Variants in ANK2 observed in about 807,000 individuals in gnomAD.
ANK2 encodes ankyrin 2.
A neutral mutation model predicts 360.5 loss-of-function variants in ANK2; 83 were observed. The observed-to-expected ratio is 0.23, with a 90% confidence interval of 0.19 to 0.28. ANK2 has a LOEUF of 0.28. ANK2 is among the 10% of genes least tolerant of loss of function. The pLI, the probability that ANK2 is intolerant of heterozygous loss-of-function variation, is 1.00. For missense variants in ANK2, 4,201 were observed against 4,795.7 expected, an observed-to-expected ratio of 0.88 and a Z score of 3.66; for synonymous variants, 1,740 against 1,759.5, an observed-to-expected ratio of 0.99 and a Z score of 0.28.
chr4:113,105,725 G>T (rs937997319), intron 1 of ANK2, among the ~76,000 whole-genome samples: 1 of 152,144 alleles, frequency 6.6e-6, no homozygotes, highest in Non-Finnish European at 1.5e-5. Flanking sequence ...AAGCTGAATA[G>T]TCTATGGTAA....
At chr4:112,809,313 G>A in the ANK2 span, among the ~76,000 whole-genome samples, 1 of 150,918 alleles carries the variant, frequency 6.6e-6, no homozygotes, top group Non-Finnish European at 1.5e-5. Context: ...TGTAATCCCA[G>A]CACTTTGGGA....
chr4:113,147,420 T>A (rs28627915), intron 1 of ANK2, among the ~76,000 whole-genome samples: 1 of 152,182 alleles, frequency 6.6e-6, no homozygotes, highest in Non-Finnish European at 1.5e-5. Context: ...AGTGTATTTT[T>A]AAAAATGTAC....
At position 112,819,976 on chromosome 4, in the gene ANK2, C is replaced by T. The variant is rs985190882; in HGVS notation, c.-40+1712C>T. Among the ~76,000 whole-genome samples the T allele has an allele frequency of 2.6e-4, 39 of 152,204 alleles. 1 individual carries two copies. Among genetic ancestry groups the T allele is most frequent in the Admixed American group, 2.4e-3 (37 of 15,270 alleles). ...CTCTCTGAAGGGGAGTGTGATAAAA[C>T]GATGCTCATCCTTGGGCACATGGAT... On this transcript the variant is annotated intron_variant, in intron 1 of 30. Transcript: ENST00000503271.
At chr4:113,325,374 G>A (rs1187748634) in intron 26 of ANK2, among the ~76,000 whole-genome samples, 1 of 152,120 alleles carries the variant, frequency 6.6e-6, no homozygotes, top group African/African-American at 2.4e-5. Flanking sequence ...AGTAAACTGT[G>A]CATATAATTT....
intron 1 of ANK2, among the ~76,000 whole-genome samples, chr4:112,868,691 G>C (rs11098181): frequency 0.6 from 91,575 of 151,914 alleles, 28,928 homozygotes; most frequent in East Asian, 0.84. Flanking sequence ...CTCTATATTT[G>C]TTTCATTTAA....
intron 1 of ANK2, among the ~76,000 whole-genome samples, chr4:113,115,424 C>T (rs2094666255): frequency 6.6e-6 from 1 of 152,134 alleles, no homozygotes; most frequent in Non-Finnish European, 1.5e-5. Flanking sequence ...TCTCTCCCTT[C>T]CTCTACCCTC....
At chr4:113,208,439 G>A (rs1044498064) in intron 4 of ANK2, among the ~76,000 whole-genome samples, 10 of 151,970 alleles carry the variant, frequency 6.6e-5, no homozygotes, top group African/African-American at 2.4e-4. Context: ...TTGCCTAACA[G>A]TATAGATGGT....
chr4:113,238,606 A>G (rs2099401999), intron 7 of ANK2, among the ~76,000 whole-genome samples: 2 of 152,180 alleles, frequency 1.3e-5, no homozygotes, highest in Non-Finnish European at 2.9e-5. Context: ...AATTTCTTAG[A>G]TGCTTTTTGG....
intron 1 of ANK2, among the ~76,000 whole-genome samples, chr4:113,083,170 G>T (rs1219794967): frequency 1.3e-5 from 2 of 151,938 alleles, no homozygotes; most frequent in Non-Finnish European, 2.9e-5. Context: ...TGCCATGCTG[G>T]TGTGCTGCAT....
intron 15 of ANK2, 59 bp from the exon 16 acceptor site, chr4:113,277,778 G>T (rs2060761744): frequency 4.3e-6 from 6 of 1,397,180 alleles, no homozygotes; most frequent in African/African-American, 1.4e-5. Context: ...CAAATAAAAA[G>T]ATTTTTTGAG....
At chr4:112,937,524 C>T (rs992398693) in intron 2 of ANK2, among the ~76,000 whole-genome samples, 6 of 151,862 alleles carry the variant, frequency 4.0e-5, no homozygotes, top group East Asian at 1.9e-4. Context: ...GACTGGGTTT[C>T]GCCATGTTGG....
In ANK2 at chr4:112,904,654, A is replaced by G. The variant is rs951462087; in HGVS notation, c.21+140A>G. ...GATGTTATAGCATTAACAATTTTTT[A>G]ATTATAAGAAATGTAATATACTATA... is the stretch of plus-strand genomic sequence containing the variant. On this transcript the variant is annotated intron_variant, in intron 2 of 30. Coordinates refer to the ANK2 transcript ENST00000503271. 6.7e-6 allele frequency: 4 copies of G among 600,156 alleles called. No individual in the cohort carries two copies. The African/African-American group carries it at 7.9e-5, about 12-fold the overall frequency. 37.2% of individuals were successfully genotyped at this position (600,156 alleles called of 1,614,324 possible).
intron 4 of ANK2, among the ~76,000 whole-genome samples, chr4:113,218,209 T>C (rs1375472034): frequency 1.3e-5 from 2 of 152,218 alleles, no homozygotes; most frequent in South Asian, 2.1e-4. Context: ...AACAAGACTT[T>C]GATTATTTTC....
intron 22 of ANK2, among the ~76,000 whole-genome samples, chr4:113,300,630 G>C (rs923308924): frequency 6.6e-6 from 1 of 152,168 alleles, no homozygotes; most frequent in African/African-American, 2.4e-5. Context: ...GGGAGGATCA[G>C]GGAATGTTTC....
At chr4:112,885,413 C>T (rs913517754) in intron 1 of ANK2, among the ~76,000 whole-genome samples, 1 of 150,938 alleles carries the variant, frequency 6.6e-6, no homozygotes, top group Non-Finnish European at 1.5e-5. Context: ...GCAGGAGAAT[C>T]GCTTGAACCC....
At chr4:113,198,845 T>A (rs931984283) in intron 3 of ANK2, among the ~76,000 whole-genome samples, 166 bp from the exon 4 acceptor site, 3 of 152,180 alleles carry the variant, frequency 2.0e-5, no homozygotes, top group African/African-American at 4.8e-5. Context: ...GCCAATTTTT[T>A]TTTTTGATGG....
rs527364323 is a variant in ANK2 at position 113,213,964 on chromosome 4, T to A, written c.384+14855T>A. 478 of 488,274 alleles carry A rather than the reference T, an allele frequency of 9.8e-4. 68 individuals are homozygous for A. The highest frequency in any genetic ancestry group is 7.4e-3 in the South Asian group (327 of 44,152). 30.2% of individuals were successfully genotyped at this position (488,274 alleles called of 1,614,324 possible). A position where few individuals can be genotyped will look rare whatever the true frequency, so the allele number is the denominator to read the frequency against. On this transcript the variant is annotated intron_variant, in intron 4 of 45. Coordinates refer to ENST00000357077, the MANE Select transcript of ANK2 (RefSeq NM_001148.6). ...AAATGCTGTTTTATTTATTTTTTTT[T>A]TTTATTTTTTTTTTAAGTACAATTT...
the ANK2 span, among the ~76,000 whole-genome samples, chr4:112,764,514 T>G: frequency 6.6e-6 from 1 of 151,296 alleles, no homozygotes; most frequent in African/African-American, 2.4e-5. Context: ...TTTTGTATAT[T>G]TAGTAGAGAT....
chr4:113,358,236 T>A lies in ANK2; in HGVS notation c.9618T>A (p.Ile3206=), dbSNP rs1290305919. 15 of 1,613,952 alleles carry A rather than the reference T, an allele frequency of 9.3e-6. No homozygotes were observed. The highest frequency in any genetic ancestry group is 1.2e-5 in the Non-Finnish European group (14 of 1,179,966). ...SDAQLNSQMG[I]SASTETPTKE... ...CTCAACTTAACTCCCAAATGGGGAT[T>A]TCAGCCTCCACTGAAACACCTACAA... The change falls in exon 38 of 46, where the codon ATT becomes ATA. Residue 3206 remains isoleucine (I), a synonymous_variant. Transcript: ENST00000357077.
Sources: gnomAD v4.1 joint callset for allele counts (sites outside exome capture counted in the v4.1 genomes callset) on GRCh38, gnomAD v4.1.1 for gene constraint, MANE v1.5 for transcripts, NCBI Gene and HGNC (gene_info 2026-07-23, HGNC 2026-07-21) for gene names.